Variants in SLC25A48 observed in about 807,000 individuals in gnomAD.
SLC25A48 encodes the protein CTC-321K16.1.
Under a neutral mutation model 32.2 loss-of-function variants are expected in SLC25A48, and 29 were observed. The ratio of observed to expected loss-of-function variants is 0.90; its 90% CI spans 0.67 to 1.23. The LOEUF (loss-of-function observed/expected upper bound fraction) is 1.23, where lower values mean the gene tolerates loss of function less well. Ranked by LOEUF, SLC25A48 falls within the 50% of genes most tolerant of loss-of-function variation. The pLI, the probability that SLC25A48 is intolerant of heterozygous loss-of-function variation, is 0.00. For missense variants in SLC25A48, 399 were observed against 422.7 expected, an observed-to-expected ratio of 0.94 and a Z score of 0.49; for synonymous variants, 164 against 172.3, an observed-to-expected ratio of 0.95 and a Z score of 0.38.
chr5:135,765,560 G>T (rs1055408553), intron 3 of SLC25A48, among the ~76,000 whole-genome samples: 4 of 150,772 alleles, frequency 2.7e-5, no homozygotes, highest in African/African-American at 9.8e-5. Context: ...ATATCCAGGG[G>T]GAAAAGGGTG....
At chr5:135,873,413 G>A (rs550461292) in intron 5 of SLC25A48, among the ~76,000 whole-genome samples, 43 of 152,238 alleles carry the variant, frequency 2.8e-4, no homozygotes, top group Non-Finnish European at 5.4e-4. Flanking sequence ...TGATCCCAAG[G>A]CTTCTATTCC....
At chr5:135,610,154 C>T (rs1013726797) in intron 1 of SLC25A48, among the ~76,000 whole-genome samples, 2 of 152,050 alleles carry the variant, frequency 1.3e-5, no homozygotes, top group Admixed American at 6.6e-5. Flanking sequence ...CATGGAGAGC[C>T]CAGGAAAGGG....
intron 3 of SLC25A48, among the ~76,000 whole-genome samples, chr5:135,699,535 G>C (rs1754342603): frequency 6.6e-6 from 1 of 152,234 alleles, no homozygotes; most frequent in African/African-American, 2.4e-5. Context: ...CAAGGAGGCA[G>C]AGCGTGATTG....
intron 2 of SLC25A48, among the ~76,000 whole-genome samples, chr5:135,630,940 C>T (rs1752551917): frequency 6.6e-6 from 1 of 152,102 alleles, no homozygotes; most frequent in Non-Finnish European, 1.5e-5. Flanking sequence ...ATCCCAGGTA[C>T]TTAACAATAA....
chr5:135,590,672 C>T (rs1349800322), intron 1 of SLC25A48, among the ~76,000 whole-genome samples: 1 of 152,130 alleles, frequency 6.6e-6, no homozygotes, highest in African/African-American at 2.4e-5. Flanking sequence ...CTGCTGCTGG[C>T]CCACCCCCAC....
At chr5:135,617,289 G>A (rs369681026) in intron 1 of SLC25A48, among the ~76,000 whole-genome samples, 1 of 151,924 alleles carries the variant, frequency 6.6e-6, no homozygotes, top group East Asian at 1.9e-4. Context: ...TATTTATGTG[G>A]TATGAGTTGT....
intron 2 of SLC25A48, 91 bp downstream of exon 2, chr5:135,842,550 A>G: frequency 7.5e-7 from 1 of 1,331,846 alleles, no homozygotes; most frequent in Non-Finnish European, 1.1e-6. Flanking sequence ...AATCTCTCAG[A>G]GAGTCTTCTG....
intron 3 of SLC25A48, among the ~76,000 whole-genome samples, chr5:135,688,837 T>A (rs1754078523): frequency 6.6e-6 from 1 of 152,182 alleles, no homozygotes; most frequent in Admixed American, 6.5e-5. Context: ...GAACCCTCAC[T>A]GGGAGTCAAT....
intron 3 of SLC25A48, among the ~76,000 whole-genome samples, chr5:135,798,653 T>C (rs927912113): frequency 6.6e-6 from 1 of 151,406 alleles, no homozygotes; most frequent in African/African-American, 2.4e-5. Context: ...TTTCCTAATA[T>C]CAGAAGGTGA....
At chr5:135,697,747 C>T (rs1447827862) in intron 3 of SLC25A48, among the ~76,000 whole-genome samples, 2 of 152,204 alleles carry the variant, frequency 1.3e-5, no homozygotes, top group Non-Finnish European at 2.9e-5. Context: ...CAGCCTTCTC[C>T]CAGGGCCTGA....
In SLC25A48 at chr5:135,857,916, G is replaced by A. The variant is rs112586095; in HGVS notation, c.421+5095G>A. ...AGGGATCCTTAAAGGGCCTTAAAGG[G>A]CCCTTTACCACCTGGCACCTGTCCT... On this transcript the variant is annotated intron_variant, in intron 4 of 7. Transcript: ENST00000681962. Among the ~76,000 whole-genome samples the A allele has an allele frequency of 1.1e-4, 17 of 152,134 alleles. No individual in the cohort carries two copies. In the East Asian group the frequency reaches 3.1e-3, roughly 28 times the overall value.
chr5:135,857,378 T>C (rs1279399450), intron 4 of SLC25A48, among the ~76,000 whole-genome samples: 1 of 152,130 alleles, frequency 6.6e-6, no homozygotes, highest in African/African-American at 2.4e-5. Context: ...TCCTGGCCAG[T>C]GTTAGGGAGC....
At chr5:135,610,065 A>G (rs944143136) in intron 1 of SLC25A48, among the ~76,000 whole-genome samples, 4 of 152,218 alleles carry the variant, frequency 2.6e-5, no homozygotes, top group African/African-American at 7.2e-5. Flanking sequence ...ATATGGGAAC[A>G]TGGGTGTGTG....
In SLC25A48 at chr5:135,763,764, T is replaced by TACACACACACACACAC. The variant is rs56030521; in HGVS notation, c.-520-48748_-520-48733dup. Among the ~76,000 whole-genome samples the TACACACACACACACAC allele has an allele frequency of 1.8e-3, 225 of 125,724 alleles. 3 individuals are homozygous for TACACACACACACACAC. Among genetic ancestry groups the TACACACACACACACAC allele is most frequent in the African/African-American group, 5.9e-3 (218 of 36,828 alleles). The allele number at this position is 125,724 out of a possible 152,430, so 82.5% of individuals were successfully genotyped here. A position where few individuals can be genotyped will look rare whatever the true frequency, so the allele number is the denominator to read the frequency against. On this transcript the variant is annotated intron_variant, in intron 3 of 10. Transcript: ENST00000646290. The stretch of plus-strand genomic sequence containing the variant: ...AACCGGAGAAATAGGAACACACACA[T>TACACACACACACACAC]ACACACACACACACACACACACACA...
In SLC25A48 at chr5:135,610,077, G is replaced by A. The variant is rs542062730; in HGVS notation, c.-848-19160G>A. 3.9e-5 allele frequency among the ~76,000 whole-genome samples: 6 copies of A among 152,296 alleles called. No individual in the cohort carries two copies. In the South Asian group the frequency reaches 1.2e-3, roughly 32 times the overall value. ...GGTATATGGGAACATGGGTGTGTGT[G>A]GAATTTCCCAGGTGCCAGGAAAACA... On this transcript the variant is annotated intron_variant, in intron 1 of 10. Coordinates refer to the SLC25A48 transcript ENST00000646290.
At chr5:135,687,199 A>G (rs1345967127) in intron 3 of SLC25A48, among the ~76,000 whole-genome samples, 1 of 151,798 alleles carries the variant, frequency 6.6e-6, no homozygotes, top group Non-Finnish European at 1.5e-5. Flanking sequence ...GACATTAAAG[A>G]ATCTTATTTA....
intron 3 of SLC25A48, among the ~76,000 whole-genome samples, chr5:135,756,883 G>A (rs1361077653): frequency 6.7e-6 from 1 of 150,230 alleles, no homozygotes; most frequent in African/African-American, 2.4e-5. Context: ...ATATCTAAAT[G>A]ATATTTATAA....
intron 1 of SLC25A48, among the ~76,000 whole-genome samples, chr5:135,839,952 G>A (rs4254897): frequency 0.19 from 28,396 of 152,144 alleles, 2,793 homozygotes; most frequent in Middle Eastern, 0.25. Context: ...AGCTATGTGG[G>A]ACTGTAAGTT....
At chr5:135,627,826 A>G (rs1320481196) in intron 1 of SLC25A48, among the ~76,000 whole-genome samples, 2 of 152,126 alleles carry the variant, frequency 1.3e-5, no homozygotes, top group Admixed American at 1.3e-4. Flanking sequence ...CCTGTCATGG[A>G]GTGGGACCTG....
Sources: allele counts gnomAD v4.1 joint callset (sites outside exome capture counted in the v4.1 genomes callset), GRCh38; gene constraint gnomAD v4.1.1; transcripts MANE v1.5; gene names NCBI Gene and HGNC (gene_info 2026-07-23, HGNC 2026-07-21).